Variants in KCNH7 observed in about 807,000 individuals in gnomAD.
KCNH7 encodes the protein voltage-gated inwardly rectifying potassium channel KCNH7.
KCNH7 carries 49 observed loss-of-function variants against 120.8 expected under a neutral mutation model. The observed-to-expected ratio is 0.41, with a 90% confidence interval of 0.32 to 0.51. The LOEUF (loss-of-function observed/expected upper bound fraction) is 0.51. Ranked by LOEUF, KCNH7 falls within the 20% of genes least tolerant of loss-of-function variation. The pLI is 0.38. For synonymous variants in KCNH7, 547 were observed against 516.1 expected (o/e 1.06, Z -0.81); for missense variants, 1,097 against 1,446.6 (o/e 0.76, Z 3.92).
chr2:162,471,108 C>T (rs570908749), intron 6 of KCNH7, among the ~76,000 whole-genome samples: 19 of 152,262 alleles, frequency 1.2e-4, no homozygotes, highest in Middle Eastern at 6.8e-3. Context: ...ACAAACACTG[C>T]GGAGGGCCGC....
chr2:162,699,907 G>A (rs1686430540), intron 2 of KCNH7, among the ~76,000 whole-genome samples: 1 of 151,992 alleles, frequency 6.6e-6, no homozygotes. Flanking sequence ...TAAGTGATGG[G>A]GAAATAAAGG....
At chr2:162,430,658 A>G (rs1372305079) in intron 8 of KCNH7, among the ~76,000 whole-genome samples, 1 of 151,834 alleles carries the variant, frequency 6.6e-6, no homozygotes, top group Non-Finnish European at 1.5e-5. Context: ...ATTGCCTTAT[A>G]TATTTTGTTC....
rs1219691263 is a variant in KCNH7, at chr2:162,405,927, T to C, written c.2155-5486A>G. 2.0e-5 allele frequency among the ~76,000 whole-genome samples: 3 copies of C among 152,068 alleles called. No individual in the cohort carries two copies. The East Asian group carries it at 5.9e-4, about 30-fold the overall frequency. On this transcript the variant is annotated intron_variant, in intron 9 of 15. Transcript: ENST00000332142. Reference sequence around the variant, plus strand: ...GGAGCAATATCCTAATAAATGAAGTTATTTTTCCTATTTTTATATGTCACT... The same window carrying C: ...GGAGCAATATCCTAATAAATGAAGTCATTTTTCCTATTTTTATATGTCACT...
chr2:162,583,796 A>G (rs1298129351), intron 2 of KCNH7, among the ~76,000 whole-genome samples: 1 of 152,142 alleles, frequency 6.6e-6, no homozygotes. Flanking sequence ...AGAATAGGGC[A>G]CTAATGTCTT....
At chr2:162,547,687 C>T (rs978894345) in intron 2 of KCNH7, among the ~76,000 whole-genome samples, 2 of 152,182 alleles carry the variant, frequency 1.3e-5, no homozygotes, top group Admixed American at 1.3e-4. Context: ...AGGATTCTGA[C>T]CTAGGTGGTC....
intron 2 of KCNH7, among the ~76,000 whole-genome samples, chr2:162,683,944 T>G (rs900582963): frequency 2.6e-5 from 4 of 151,970 alleles, no homozygotes; most frequent in African/African-American, 9.7e-5. Context: ...GACTTCTAAC[T>G]ATAGTACTAC....
At chr2:162,520,739 A>G (rs111441903) in intron 3 of KCNH7, among the ~76,000 whole-genome samples, 12,290 of 151,938 alleles carry the variant, frequency 0.081, 1,682 homozygotes, top group African/African-American at 0.28. Context: ...ACTGCACTCC[A>G]GCCTAAGTGA....
At position 162,836,759 on chromosome 2, in the gene KCNH7, A is replaced by T; in HGVS notation, c.85T>A (p.Phe29Ile). 1 of 1,611,772 alleles carries T rather than the reference A, an allele frequency of 6.2e-7. No individual in the cohort carries two copies. Among genetic ancestry groups the T allele is most frequent in the Non-Finnish European group, 8.5e-7 (1 of 1,177,986 alleles). Reference protein sequence around the residue: ...IRKFEGQNKKFIIANARVQNC... With the variant: ...IRKFEGQNKKIIIANARVQNC... Reference sequence around the variant, plus strand: ...TGCACTCTGGCATTTGCAATGATAAATTTTTTATCTGTAATAAGAAGACAG... The same window carrying T: ...TGCACTCTGGCATTTGCAATGATAATTTTTTTATCTGTAATAAGAAGACAG... Residue 29 changes from phenylalanine to isoleucine, a missense_variant, in exon 2 of 16, where the codon TTT becomes ATT. Coordinates refer to ENST00000332142, the MANE Select transcript of KCNH7 (RefSeq NM_033272.4).
At chr2:162,618,981 A>G (rs1022925550) in intron 2 of KCNH7, among the ~76,000 whole-genome samples, 3 of 152,138 alleles carry the variant, frequency 2.0e-5, no homozygotes, top group African/African-American at 7.2e-5. Context: ...GCTTGGGCAA[A>G]TTACTCCTCT....
chr2:162,401,179 A>G (rs77027277), intron 9 of KCNH7, among the ~76,000 whole-genome samples: 3,207 of 152,020 alleles, frequency 0.021, 37 homozygotes, highest in Non-Finnish European at 0.034. Context: ...AAACTTGTTG[A>G]ACAGATTAAA....
At chr2:162,624,736 TG>T (rs1683487304) in intron 2 of KCNH7, among the ~76,000 whole-genome samples, 1 of 152,092 alleles carries the variant, frequency 6.6e-6, no homozygotes, top group African/African-American at 2.4e-5. Context: ...ACTCCTTACA[TG>T]ATAGCCCAGT....
At chr2:162,535,270 A>G (rs2105822349) in intron 3 of KCNH7, among the ~76,000 whole-genome samples, 1 of 151,910 alleles carries the variant, frequency 6.6e-6, no homozygotes, top group Non-Finnish European at 1.5e-5. Flanking sequence ...TGAGATGTAC[A>G]AGATTGGAAA....
intron 2 of KCNH7, among the ~76,000 whole-genome samples, chr2:162,723,036 C>T (rs935489601): frequency 4.0e-5 from 6 of 151,092 alleles, no homozygotes; most frequent in Non-Finnish European, 7.4e-5. Flanking sequence ...TCCTGTTGAC[C>T]TTGTTGAGCA....
intron 2 of KCNH7, among the ~76,000 whole-genome samples, chr2:162,787,129 G>A (rs145048422): frequency 1.3e-5 from 2 of 152,054 alleles, no homozygotes; most frequent in Non-Finnish European, 2.9e-5. Context: ...GACCCAAGCA[G>A]TAGGCCTGCC....
Position 162,547,977 on chromosome 2 carries a change from T to C in KCNH7, c.308-10897A>G, listed in dbSNP as rs141621154. On this transcript the variant is annotated intron_variant, in intron 2 of 15. Coordinates refer to ENST00000332142, the MANE Select transcript of KCNH7 (RefSeq NM_033272.4). Reference sequence around the variant, plus strand: ...GGTATGTCAGGCACAAGAGTGATGATATAGAAGCAGAAAAAGGTGAAAGTA... The same window carrying C: ...GGTATGTCAGGCACAAGAGTGATGACATAGAAGCAGAAAAAGGTGAAAGTA... 1.6e-4 allele frequency among the ~76,000 whole-genome samples: 25 copies of C among 152,246 alleles called. No homozygotes were observed. In the South Asian group the frequency reaches 3.1e-3, roughly 19 times the overall value.
At chr2:162,808,927 C>A (rs987143661) in intron 2 of KCNH7, among the ~76,000 whole-genome samples, 2 of 152,146 alleles carry the variant, frequency 1.3e-5, no homozygotes, top group African/African-American at 2.4e-5. Context: ...CTAACTTGTA[C>A]AGTCCAGTGT....
At chr2:162,425,942 G>A (rs1402836076) in intron 8 of KCNH7, among the ~76,000 whole-genome samples, 1 of 152,030 alleles carries the variant, frequency 6.6e-6, no homozygotes, top group African/African-American at 2.4e-5. Context: ...GGTCAGGCGC[G>A]GTGGCTCATG....
At chr2:162,758,527 G>GTA (rs1170427468) in intron 2 of KCNH7, among the ~76,000 whole-genome samples, 1 of 151,558 alleles carries the variant, frequency 6.6e-6, no homozygotes, top group East Asian at 1.9e-4. Context: ...ATATATAAAC[G>GTA]TATATATATG....
intron 8 of KCNH7, among the ~76,000 whole-genome samples, chr2:162,428,310 C>G (rs1687933704): frequency 6.6e-6 from 1 of 151,774 alleles, no homozygotes; most frequent in South Asian, 2.1e-4. Context: ...AAACATCTAT[C>G]AGTTTTTTCT....
Sources: gnomAD v4.1 joint callset for allele counts (sites outside exome capture counted in the v4.1 genomes callset) on GRCh38, gnomAD v4.1.1 for gene constraint, MANE v1.5 for transcripts, NCBI Gene and HGNC (gene_info 2026-07-23, HGNC 2026-07-21) for gene names.